The following DMBT1 variants were observed in gnomAD, a reference collection of about 807,000 sequenced individuals.
DMBT1 encodes the protein scavenger receptor cysteine-rich domain-containing protein DMBT1.
A neutral mutation model predicts 252.9 loss-of-function variants in DMBT1; 198 were observed. That is an observed-to-expected ratio of 0.78 (90% CI 0.70 to 0.88). The LOEUF (loss-of-function observed/expected upper bound fraction) is 0.88, where lower values mean the gene tolerates loss of function less well. Among genes scored for constraint, DMBT1 ranks in the 40% least tolerant of loss-of-function variants. The pLI is 0.00. For missense variants in DMBT1, 2,432 were observed against 2,404.7 expected (o/e 1.01, Z -0.24); for synonymous variants, 990 against 942.7 (o/e 1.05, Z -0.92).
intron 54 of DMBT1, 85 bp from the exon 55 acceptor site, chr10:122,639,955 C>T (rs1844228716): frequency 6.7e-7 from 1 of 1,483,600 alleles, no homozygotes; most frequent in Non-Finnish European, 9.1e-7. Flanking sequence ...GAGTCACGTC[C>T]CTCTCATTCA....
chr10:122,640,328 T>G lies in DMBT1; in HGVS notation c.7231T>G (p.Leu2411Val). ...RPYYVDLNQD[L>V]YVQAEILHSD... The stretch of plus-strand genomic sequence containing the variant: ...TTACTACGTGGACCTGAACCAGGAC[T>G]TGTACGTTCAGGCTGAAATCCTCCA... Residue 2411 changes from leucine (L) to valine (V), a missense_variant, in exon 55 of 56, where the codon TTG (leucine) becomes GTG (valine). This residue lies in a region of DMBT1 where 1,162 missense variants were observed against 1,169.0 expected (regional missense o/e 0.99). Transcript: ENST00000338354. 6.2e-7 allele frequency: 1 copy of G among 1,614,068 alleles called. No homozygotes were observed. The highest frequency in any genetic ancestry group is 8.5e-7 in the Non-Finnish European group (1 of 1,179,898).
chr10:122,622,749 A>G (rs995743496), intron 44 of DMBT1, among the ~76,000 whole-genome samples: 6 of 152,184 alleles, frequency 3.9e-5, no homozygotes, highest in African/African-American at 1.4e-4. Context: ...CTTTGGGGCG[A>G]CGGGAAGGAT....
chr10:122,572,928 T>C (rs985457643), intron 5 of DMBT1, among the ~76,000 whole-genome samples: 8 of 152,196 alleles, frequency 5.3e-5, no homozygotes, highest in Non-Finnish European at 1.0e-4. Flanking sequence ...AAATAAAAGA[T>C]ACTTAACATG....
At chr10:122,572,506 G>A (rs1289491504) in intron 5 of DMBT1, 145 bp downstream of exon 5, 4 of 1,142,026 alleles carry the variant, frequency 3.5e-6, no homozygotes, top group East Asian at 2.4e-5. Flanking sequence ...ACCTTGTGCT[G>A]TGTATGTGCA....
intron 9 of DMBT1, 87 bp from the exon 10 acceptor site, chr10:122,579,491 A>G (rs1435092190): frequency 6.3e-7 from 1 of 1,597,736 alleles, no homozygotes; most frequent in East Asian, 2.2e-5. Context: ...GACTTAGTTC[A>G]TTAGGAAGTA....
At position 122,586,398 on chromosome 10, in the gene DMBT1, C is replaced by A. The variant is rs894170222; in HGVS notation, c.1783+15C>A. ...CATCTGCTCAGGTGGGCCTCCAAGA[C>A]TTTTGGTTTCCTCTCTTGGGGTAGA... On this transcript the variant is annotated intron_variant, in intron 16 of 55. Coordinates refer to ENST00000338354, the MANE Select transcript of DMBT1 (RefSeq NM_001377530.1). 4.4e-6 allele frequency: 7 copies of A among 1,587,636 alleles called. No individual in the cohort carries two copies. The African/African-American group carries it at 9.4e-5, about 21-fold the overall frequency.
At chr10:122,630,576 C>G in intron 48 of DMBT1, 86 bp downstream of exon 48, 1 of 1,382,472 alleles carries the variant, frequency 7.2e-7, no homozygotes, top group Non-Finnish European at 1.0e-6. Context: ...CCAAGGAAAT[C>G]AAAGAAGGGC....
At chr10:122,620,081 CCTT>C (rs2098048206) in intron 42 of DMBT1, among the ~76,000 whole-genome samples, 169 bp from the exon 43 acceptor site, 2 of 152,196 alleles carry the variant, frequency 1.3e-5, no homozygotes, top group South Asian at 4.1e-4. Flanking sequence ...TCCAGCAAGG[CCTT>C]TGTTCCTGGC....
chr10:122,561,548 C>T (rs1008659761), intron 1 of DMBT1, among the ~76,000 whole-genome samples: 13 of 139,492 alleles, frequency 9.3e-5, no homozygotes, highest in African/African-American at 3.5e-4. Flanking sequence ...CCTATTTTGT[C>T]TCTCTCTTCC....
At chr10:122,621,474 C>T in intron 44 of DMBT1, 94 bp downstream of exon 44, 1 of 1,573,742 alleles carries the variant, frequency 6.4e-7, no homozygotes, top group Non-Finnish European at 8.6e-7. Flanking sequence ...CTCAAAGCTT[C>T]TCCTGTGTTT....
chr10:122,576,464 A>C lies in DMBT1; in HGVS notation c.349A>C (p.Ile117Leu). 1 of 1,613,874 alleles carries C rather than the reference A, an allele frequency of 6.2e-7. No individual in the cohort carries two copies. ...TGGCAGGTGTCAGGGCCGAGTGGAG[A>C]TCCTATACCGAGGCTCCTGGGGCAC... ...GDGRCQGRVE[I>L]LYRGSWGTVC... The change falls in exon 7 of 56, where the codon ATC (isoleucine) becomes CTC (leucine). Residue 117 changes from isoleucine to leucine, a missense_variant. By Grantham distance (5) the Ile-to-Leu change is conservative (BLOSUM62 2). Around this residue, in one of 3 missense-constraint regions of DMBT1, gnomAD observed 1,264 missense variants for 1,082.2 expected, o/e 1.17. Coordinates refer to ENST00000338354, the MANE Select transcript of DMBT1 (RefSeq NM_001377530.1).
intron 55 of DMBT1, among the ~76,000 whole-genome samples, chr10:122,642,105 C>G (rs892118620): frequency 2.6e-5 from 4 of 151,944 alleles, no homozygotes; most frequent in Non-Finnish European, 5.9e-5. Flanking sequence ...ACCTTTTTCC[C>G]AAGTGTCCCA....
At position 122,630,339 on chromosome 10, in the gene DMBT1, A is replaced by G. The variant is rs1332936754; in HGVS notation, c.5874A>G (p.Gly1958=). 6.2e-7 allele frequency: 1 copy of G among 1,614,044 alleles called. No homozygotes were observed. Among genetic ancestry groups the G allele is most frequent in the Non-Finnish European group, 8.5e-7 (1 of 1,179,896 alleles). The part of the protein sequence containing the change: ...CSFDYVEIFD[G]SLNSSLLLGK... ...TTGATTATGTTGAAATCTTTGATGG[A>G]TCATTGAATAGCAGTCTCCTGCTGG... The change falls in exon 48 of 56, where the codon GGA becomes GGG. Residue 1958 remains glycine (G), a synonymous_variant. Transcript: ENST00000338354.
intron 20 of DMBT1, among the ~76,000 whole-genome samples, 168 bp from the exon 21 acceptor site, chr10:122,593,401 C>T (rs1256190204): frequency 6.7e-6 from 1 of 148,194 alleles, no homozygotes; most frequent in Non-Finnish European, 1.5e-5. Context: ...GCCTCGACCC[C>T]TTACACGGTG....
At chr10:122,567,251 G>T (rs2097603327) in intron 2 of DMBT1, among the ~76,000 whole-genome samples, 2 of 152,212 alleles carry the variant, frequency 1.3e-5, no homozygotes, top group Non-Finnish European at 2.9e-5. Flanking sequence ...CATTCACAGG[G>T]TGACCAGGAG....
intron 54 of DMBT1, among the ~76,000 whole-genome samples, chr10:122,639,706 C>T (rs546626443): frequency 1.8e-4 from 27 of 152,264 alleles, no homozygotes; most frequent in African/African-American, 4.8e-4. Context: ...TTAAGTCATA[C>T]GGTTTATTGT....
intron 4 of DMBT1, among the ~76,000 whole-genome samples, chr10:122,571,485 C>G (rs555227891): frequency 6.6e-6 from 1 of 152,106 alleles, no homozygotes; most frequent in Non-Finnish European, 1.5e-5. Flanking sequence ...AATTGAGGAG[C>G]GAACCAAGGC....
rs778600826 is a variant in DMBT1 at position 122,643,426 on chromosome 10, C to T, written c.*28C>T. ...GGTCGCTCTCAGACCCCACTGTCCACCGGGGCGCAGACCCCTGACTCGGGG... is the reference window on the plus strand; with the variant it reads ...GGTCGCTCTCAGACCCCACTGTCCATCGGGGCGCAGACCCCTGACTCGGGG... On this transcript the variant is annotated 3_prime_UTR_variant, in exon 56 of 56. Coordinates refer to ENST00000338354, the MANE Select transcript of DMBT1 (RefSeq NM_001377530.1). The T allele has an allele frequency of 1.3e-6, 2 of 1,593,720 alleles. No homozygotes were observed. Among genetic ancestry groups the T allele is most frequent in the South Asian group, 1.1e-5 (1 of 88,704 alleles).
chr10:122,579,503 C>G (rs979766856), intron 9 of DMBT1, 75 bp from the exon 10 acceptor site: 146 of 1,605,550 alleles, frequency 9.1e-5, no homozygotes, highest in Non-Finnish European at 1.2e-4. Flanking sequence ...TAGGAAGTAC[C>G]CTGAGTGTGG....
Sources: allele counts gnomAD v4.1 joint callset (sites outside exome capture counted in the v4.1 genomes callset), GRCh38; gene constraint gnomAD v4.1.1; regional missense constraint gnomAD v4.1.1; transcripts MANE v1.5; gene names NCBI Gene and HGNC (gene_info 2026-07-23, HGNC 2026-07-21).